The following ATE1 variants were observed in gnomAD, a reference collection of about 807,000 sequenced individuals.
The protein encoded by ATE1 is arginyltransferase 1.
Under a neutral mutation model 70.5 loss-of-function variants are expected in ATE1, and 36 were observed. The ratio of observed to expected loss-of-function variants is 0.51; its 90% CI spans 0.39 to 0.67. The LOEUF (loss-of-function observed/expected upper bound fraction) is 0.67, where lower values mean the gene tolerates loss of function less well. Among genes scored for constraint, ATE1 ranks in the 30% least tolerant of loss-of-function variants. The pLI, the probability that ATE1 is intolerant of heterozygous loss-of-function variation, is 0.00. For synonymous variants in ATE1, 232 were observed against 219.3 expected (o/e 1.06, Z -0.51); for missense variants, 593 against 629.5 (o/e 0.94, Z 0.62).
At chr10:121,818,006 T>G (rs1040042393) in intron 10 of ATE1, among the ~76,000 whole-genome samples, 3 of 152,052 alleles carry the variant, frequency 2.0e-5, no homozygotes, top group African/African-American at 7.2e-5. Flanking sequence ...TAAGGATAGT[T>G]AAGGCTGGGC....
chr10:121,878,715 A>G (rs1330673399), intron 7 of ATE1, among the ~76,000 whole-genome samples: 1 of 152,196 alleles, frequency 6.6e-6, no homozygotes, highest in African/African-American at 2.4e-5. Context: ...AGAAAAAACT[A>G]TAGTTCCACC....
chr10:121,888,365 G>A (rs1384392093), intron 7 of ATE1, among the ~76,000 whole-genome samples: 1 of 152,132 alleles, frequency 6.6e-6, no homozygotes, highest in Non-Finnish European at 1.5e-5. Flanking sequence ...CTGCACTCCA[G>A]CCTGGGCGAC....
At chr10:121,810,378 C>T (rs967774394) in intron 10 of ATE1, among the ~76,000 whole-genome samples, 9 of 152,004 alleles carry the variant, frequency 5.9e-5, no homozygotes, top group African/African-American at 1.9e-4. Context: ...TCACGCCATT[C>T]TTCTGCCTCA....
At chr10:121,848,685 C>T (rs1352676568) in intron 8 of ATE1, among the ~76,000 whole-genome samples, 3 of 149,812 alleles carry the variant, frequency 2.0e-5, no homozygotes, top group Non-Finnish European at 2.9e-5. Flanking sequence ...CCAAGGCGGG[C>T]GGATCACCTG....
At position 121,743,581 on chromosome 10, in the gene ATE1, T is replaced by G; in HGVS notation, c.*99A>C. The G allele has an allele frequency of 1.4e-6, 2 of 1,395,808 alleles. No homozygotes were observed. Among genetic ancestry groups the G allele is most frequent in the Non-Finnish European group, 1.9e-6 (2 of 1,077,484 alleles). The allele number at this position is 1,395,808 out of a possible 1,614,324, so 86.5% of individuals were successfully genotyped here. A position where few individuals can be genotyped will look rare whatever the true frequency, so the allele number is the denominator to read the frequency against. ...GATAGTCAAAATAAAAAATGTCTAA[T>G]TTGTGGGTGGTGACAGTTATTTCCC... On this transcript the variant is annotated 3_prime_UTR_variant, in exon 12 of 12. Coordinates refer to ENST00000224652, the MANE Select transcript of ATE1 (RefSeq NM_001001976.3).
chr10:121,835,727 C>T (rs982783758), intron 10 of ATE1, among the ~76,000 whole-genome samples: 2 of 152,054 alleles, frequency 1.3e-5, no homozygotes, highest in Non-Finnish European at 2.9e-5. Context: ...TAGAAATACA[C>T]ACTACAATAT....
intron 7 of ATE1, 111 bp downstream of exon 7, chr10:121,899,755 C>T (rs1161955900): frequency 6.8e-7 from 1 of 1,463,142 alleles, no homozygotes; most frequent in East Asian, 2.3e-5. Flanking sequence ...AGATATGCTG[C>T]AAATTGAACA....
At chr10:121,923,079 A>AC (rs1280702919) in intron 2 of ATE1, among the ~76,000 whole-genome samples, 5 of 151,608 alleles carry the variant, frequency 3.3e-5, no homozygotes, top group African/African-American at 4.8e-5. Context: ...TGCCTCTATG[A>AC]CCCCCCCTCA....
chr10:121,891,642 G>A (rs1287652421), intron 7 of ATE1, among the ~76,000 whole-genome samples: 1 of 152,092 alleles, frequency 6.6e-6, no homozygotes, highest in East Asian at 1.9e-4. Context: ...GAAAAGAATT[G>A]CTTAGAATAG....
At chr10:121,840,206 T>C (rs1010281614) in intron 9 of ATE1, among the ~76,000 whole-genome samples, 1 of 152,238 alleles carries the variant, frequency 6.6e-6, no homozygotes, top group African/African-American at 2.4e-5. Flanking sequence ...AATTATCTTT[T>C]GATGAGGGTC....
intron 7 of ATE1, among the ~76,000 whole-genome samples, chr10:121,896,979 G>A (rs775433677): frequency 4.0e-5 from 6 of 151,724 alleles, no homozygotes; most frequent in Non-Finnish European, 8.8e-5. Flanking sequence ...TAGTCCTGCT[G>A]CCCAGAACAC....
At chr10:121,814,077 A>C (rs1376128003) in intron 10 of ATE1, among the ~76,000 whole-genome samples, 1 of 152,196 alleles carries the variant, frequency 6.6e-6, no homozygotes, top group Non-Finnish European at 1.5e-5. Flanking sequence ...AACACAACAG[A>C]AAAAAATGGG....
chr10:121,783,976 C>A (rs866020820), intron 11 of ATE1, among the ~76,000 whole-genome samples: 14 of 152,136 alleles, frequency 9.2e-5, no homozygotes, highest in Non-Finnish European at 1.8e-4. Flanking sequence ...AACTCCAACT[C>A]CTGGGCTCAA....
At chr10:121,810,937 G>A (rs1040224467) in intron 10 of ATE1, among the ~76,000 whole-genome samples, 15 of 152,170 alleles carry the variant, frequency 9.9e-5, no homozygotes, top group Admixed American at 8.5e-4. Context: ...TCCTGACCTC[G>A]AGATCCACAA....
At chr10:121,895,137 T>C (rs11200231) in intron 7 of ATE1, among the ~76,000 whole-genome samples, 9,344 of 152,146 alleles carry the variant, frequency 0.061, 493 homozygotes, top group Admixed American at 0.17. Flanking sequence ...CCGGTGGGAA[T>C]GGTAAATGAT....
At chr10:121,776,299 T>C (rs1382718068) in intron 11 of ATE1, among the ~76,000 whole-genome samples, 2 of 150,374 alleles carry the variant, frequency 1.3e-5, no homozygotes, top group Non-Finnish European at 3.0e-5. Flanking sequence ...TTTATTTCCA[T>C]CCCTCTTCAT....
At chr10:121,911,810 G>A (rs1208443533) in intron 4 of ATE1, among the ~76,000 whole-genome samples, 13 of 151,798 alleles carry the variant, frequency 8.6e-5, no homozygotes, top group African/African-American at 2.9e-4. Context: ...GCAGGGGCGC[G>A]ACCTCGGCTC....
chr10:121,767,532 A>G (rs1347525638), intron 11 of ATE1, among the ~76,000 whole-genome samples: 1 of 152,222 alleles, frequency 6.6e-6, no homozygotes, highest in Non-Finnish European at 1.5e-5. Flanking sequence ...CAGTGAAGCA[A>G]AAGTATACAA....
At chr10:121,905,469 A>G (rs1951152660) in intron 5 of ATE1, among the ~76,000 whole-genome samples, 1 of 152,162 alleles carries the variant, frequency 6.6e-6, no homozygotes, top group African/African-American at 2.4e-5. Context: ...TCTTTACACT[A>G]ATTAAGTCAC....
Sources: allele counts gnomAD v4.1 joint callset (sites outside exome capture counted in the v4.1 genomes callset), GRCh38; gene constraint gnomAD v4.1.1; transcripts MANE v1.5; gene names NCBI Gene and HGNC (gene_info 2026-07-23, HGNC 2026-07-21).